The following ATRNL1 variants were observed in gnomAD, a reference collection of about 807,000 sequenced individuals.
ATRNL1 encodes the protein attractin like 1.
A neutral mutation model predicts 182.7 loss-of-function variants in ATRNL1; 95 were observed. That is an observed-to-expected ratio of 0.52 (90% CI 0.44 to 0.62). The LOEUF (loss-of-function observed/expected upper bound fraction) is 0.62, where lower values mean the gene tolerates loss of function less well. ATRNL1 is among the 20% of genes least tolerant of loss of function. The pLI is 0.00. For synonymous variants in ATRNL1, 576 were observed against 568.3 expected, an observed-to-expected ratio of 1.01 and a Z score of -0.19; for missense variants, 1,471 against 1,679.5, an observed-to-expected ratio of 0.88 and a Z score of 2.17.
At chr10:115,326,761 G>A (rs1657337117) in intron 18 of ATRNL1, among the ~76,000 whole-genome samples, 1 of 152,028 alleles carries the variant, frequency 6.6e-6, no homozygotes. Flanking sequence ...ACAGAACAGA[G>A]CCCTCAGAAA....
At chr10:115,506,215 C>A (rs782104636) in intron 24 of ATRNL1, among the ~76,000 whole-genome samples, 5 of 152,038 alleles carry the variant, frequency 3.3e-5, no homozygotes, top group Non-Finnish European at 7.4e-5. Context: ...ACTTCAGAGG[C>A]CTTGTTCCCC....
At chr10:115,825,362 T>C (rs1437802686) in intron 27 of ATRNL1, among the ~76,000 whole-genome samples, 1 of 152,100 alleles carries the variant, frequency 6.6e-6, no homozygotes, top group Admixed American at 6.5e-5. Context: ...GCAAACCACA[T>C]GACACGTATA....
In ATRNL1 at chr10:115,869,964, C is replaced by CTTTTTTTT. The variant is rs150345069; in HGVS notation, c.4018+21994_4018+22001dup. ...TTGGGTATTTATGTTGTTCCCAGAC[C>CTTTTTTTT]TTTTTTTTTTTTTTTTTTTTTTTTT... On this transcript the variant is annotated intron_variant, in intron 28 of 28. Coordinates refer to ENST00000355044, the MANE Select transcript of ATRNL1 (RefSeq NM_207303.4). Among the ~76,000 whole-genome samples the CTTTTTTTT allele has an allele frequency of 2.8e-5, 2 of 71,690 alleles. 1 individual carries two copies. The highest frequency in any genetic ancestry group is 1.3e-4 in the African/African-American group (2 of 15,734). 47.0% of individuals were successfully genotyped at this position (71,690 alleles called of 152,430 possible).
intron 27 of ATRNL1, among the ~76,000 whole-genome samples, chr10:115,811,847 AG>A (rs34777407): frequency 0.045 from 6,902 of 152,034 alleles, 548 homozygotes; most frequent in African/African-American, 0.15. Context: ...TTTATTATAC[AG>A]GTAAGAAACA....
chr10:115,154,411 A>G (rs1286944071), intron 5 of ATRNL1, among the ~76,000 whole-genome samples: 1 of 152,128 alleles, frequency 6.6e-6, no homozygotes, highest in Non-Finnish European at 1.5e-5. Context: ...GGGTGCATAT[A>G]AATTTAGGAT....
chr10:115,433,046 A>G (rs1452439185), intron 21 of ATRNL1, among the ~76,000 whole-genome samples: 1 of 152,076 alleles, frequency 6.6e-6, no homozygotes, highest in Non-Finnish European at 1.5e-5. Flanking sequence ...TTGTGTTTTA[A>G]TATACTTCCA....
intron 28 of ATRNL1, among the ~76,000 whole-genome samples, chr10:115,929,311 A>G (rs1953327328): frequency 6.6e-6 from 1 of 152,112 alleles, no homozygotes; most frequent in South Asian, 2.1e-4. Flanking sequence ...TCAAATTCTG[A>G]AGGTAATGCC....
chr10:115,104,343 T>C (rs1391526213), intron 1 of ATRNL1, among the ~76,000 whole-genome samples: 1 of 152,240 alleles, frequency 6.6e-6, no homozygotes, highest in African/African-American at 2.4e-5. Context: ...ATGTCTTCTT[T>C]TGAGAAATGT....
chr10:115,636,219 A>G (rs1205392664), intron 26 of ATRNL1, among the ~76,000 whole-genome samples: 1 of 152,092 alleles, frequency 6.6e-6, no homozygotes, highest in Non-Finnish European at 1.5e-5. Flanking sequence ...CAAGGAGATA[A>G]ACCTTGGTAG....
intron 27 of ATRNL1, among the ~76,000 whole-genome samples, chr10:115,834,101 C>T (rs1950616703): frequency 1.3e-5 from 2 of 152,190 alleles, no homozygotes; most frequent in Admixed American, 1.3e-4. Context: ...GTGGCTACCG[C>T]TATGCTCTCA....
intron 27 of ATRNL1, among the ~76,000 whole-genome samples, chr10:115,777,321 ATAAAG>A (rs1462839534): frequency 9.8e-5 from 15 of 152,326 alleles, no homozygotes; most frequent in African/African-American, 3.1e-4. Context: ...ACTGAATAAA[ATAAAG>A]TATTTATATA....
At chr10:115,785,956 C>T (rs915770883) in intron 27 of ATRNL1, among the ~76,000 whole-genome samples, 10 of 152,052 alleles carry the variant, frequency 6.6e-5, no homozygotes, top group Non-Finnish European at 1.0e-4. Flanking sequence ...CTCCAGTTTC[C>T]GATAATATGT....
At chr10:115,169,442 C>CA (rs1847197589) in intron 7 of ATRNL1, among the ~76,000 whole-genome samples, 1 of 151,990 alleles carries the variant, frequency 6.6e-6, no homozygotes, top group Non-Finnish European at 1.5e-5. Context: ...CTCCTGACCT[C>CA]AAGTGATCCA....
chr10:115,514,056 C>T (rs1554983313), intron 24 of ATRNL1, among the ~76,000 whole-genome samples: 1 of 151,920 alleles, frequency 6.6e-6, no homozygotes, highest in Non-Finnish European at 1.5e-5. Context: ...CTTCATCCCA[C>T]CATTAATACT....
chr10:115,105,311 A>G (rs1843958288), intron 1 of ATRNL1, among the ~76,000 whole-genome samples: 1 of 152,214 alleles, frequency 6.6e-6, no homozygotes, highest in South Asian at 2.1e-4. Flanking sequence ...GAAATTTCTA[A>G]GCAGCAAAGC....
intron 17 of ATRNL1, among the ~76,000 whole-genome samples, chr10:115,315,209 C>T (rs1854236127): frequency 1.3e-5 from 2 of 152,112 alleles, no homozygotes; most frequent in South Asian, 4.2e-4. Context: ...TCTGTAGGGC[C>T]CTAAAAGTTC....
chr10:115,171,417 A>T (rs1847289334), intron 8 of ATRNL1, 125 bp downstream of exon 8: 3 of 790,768 alleles, frequency 3.8e-6, no homozygotes, highest in African/African-American at 1.8e-5. Flanking sequence ...CTGATAATTA[A>T]TAATTTTTAA....
At chr10:115,265,693 G>A (rs936768556) in intron 11 of ATRNL1, among the ~76,000 whole-genome samples, 2 of 151,720 alleles carry the variant, frequency 1.3e-5, no homozygotes, top group African/African-American at 2.4e-5. Flanking sequence ...TTTACTAAAT[G>A]TGTGATTTTT....
intron 26 of ATRNL1, among the ~76,000 whole-genome samples, chr10:115,649,007 C>G (rs1247531767): frequency 6.6e-6 from 1 of 152,082 alleles, no homozygotes; most frequent in African/African-American, 2.4e-5. Flanking sequence ...CTTAATTTCT[C>G]TGAGCCTGTC....
Sources: allele counts gnomAD v4.1 joint callset (sites outside exome capture counted in the v4.1 genomes callset), GRCh38; gene constraint gnomAD v4.1.1; transcripts MANE v1.5; gene names NCBI Gene and HGNC (gene_info 2026-07-23, HGNC 2026-07-21).